Variants in MAGI1 observed in about 807,000 individuals in gnomAD.
The protein encoded by MAGI1 is membrane-associated guanylate kinase, WW and PDZ domain-containing protein 1.
In MAGI1, 58 loss-of-function variants were observed where a neutral mutation model predicts 139.9. The observed-to-expected ratio is 0.41, with a 90% CI of 0.34 to 0.52. MAGI1 has a LOEUF of 0.52. Ranked by LOEUF, MAGI1 falls within the 20% of genes least tolerant of loss-of-function variation. The pLI, the probability that MAGI1 is intolerant of heterozygous loss-of-function variation, is 0.12. For synonymous variants in MAGI1, 812 were observed against 737.9 expected (o/e 1.10, Z -1.63); for missense variants, 1,874 against 1,901.6 (o/e 0.99, Z 0.27).
intron 12 of MAGI1, chr3:65,402,010 T>G: frequency 3.3e-4 from 151 of 451,818 alleles, no homozygotes; most frequent in Middle Eastern, 1.2e-3. Flanking sequence ...ATGAGCTCAA[T>G]ACCAAAACAA....
intron 1 of MAGI1, among the ~76,000 whole-genome samples, chr3:65,744,091 G>T (rs1194822555): frequency 1.3e-5 from 2 of 152,126 alleles, no homozygotes; most frequent in African/African-American, 4.8e-5. Context: ...TCAGTTTTTA[G>T]GAAAGGCCAA....
chr3:65,642,965 A>G (rs947981244), intron 1 of MAGI1, among the ~76,000 whole-genome samples: 2 of 152,236 alleles, frequency 1.3e-5, no homozygotes, highest in Non-Finnish European at 2.9e-5. Flanking sequence ...GCTAAGCTTT[A>G]GCAGAACAAG....
chr3:65,731,549 G>T (rs1234359653), intron 1 of MAGI1, among the ~76,000 whole-genome samples: 2 of 151,660 alleles, frequency 1.3e-5, no homozygotes, highest in South Asian at 4.2e-4. Flanking sequence ...CAGCTACTGG[G>T]GCGGCTGAGG....
At chr3:66,005,100 T>C (rs1157951355) in intron 1 of MAGI1, among the ~76,000 whole-genome samples, 2 of 151,988 alleles carry the variant, frequency 1.3e-5, no homozygotes, top group East Asian at 3.9e-4. Context: ...GAATTTGCCA[T>C]GTTAAATGGC....
At chr3:65,811,935 T>C (rs2041260365) in intron 1 of MAGI1, among the ~76,000 whole-genome samples, 1 of 137,454 alleles carries the variant, frequency 7.3e-6, no homozygotes, top group South Asian at 2.1e-4. Context: ...TACGTGTGTG[T>C]GTGTGTGTGT....
At chr3:65,929,344 T>C (rs13317836) in intron 1 of MAGI1, among the ~76,000 whole-genome samples, 1,998 of 144,834 alleles carry the variant, frequency 0.014, 40 homozygotes, top group African/African-American at 0.048. Flanking sequence ...ATATCAAGGA[T>C]GATTTTTTTT....
chr3:65,510,138 C>T (rs1419852900), intron 2 of MAGI1, among the ~76,000 whole-genome samples: 1 of 152,138 alleles, frequency 6.6e-6, no homozygotes. Flanking sequence ...GACACCCACA[C>T]CAAAAACCCA....
intron 1 of MAGI1, among the ~76,000 whole-genome samples, chr3:65,657,753 G>A (rs1288967136): frequency 6.6e-6 from 1 of 152,054 alleles, no homozygotes. Context: ...CCTAAGTTTG[G>A]AGCCAAGTCC....
chr3:65,871,131 TCTCA>T (rs2059924879), intron 1 of MAGI1, among the ~76,000 whole-genome samples: 1 of 151,986 alleles, frequency 6.6e-6, no homozygotes, highest in Non-Finnish European at 1.5e-5. Flanking sequence ...AGAGATGGTG[TCTCA>T]CTATGTTGCC....
At chr3:65,785,306 G>C (rs534500398) in intron 1 of MAGI1, among the ~76,000 whole-genome samples, 1 of 152,094 alleles carries the variant, frequency 6.6e-6, no homozygotes, top group Non-Finnish European at 1.5e-5. Context: ...AACATACAGG[G>C]GTCCTATTTA....
rs529453030 is a variant in MAGI1, at chr3:65,728,982, C to T, written c.314-106894G>A. ...CTTGAGATTAAATAGGAATGACATG[C>T]AGTAAAACCTGACTAATTTTGATCT... On this transcript the variant is annotated intron_variant, in intron 1 of 22. Transcript: ENST00000402939. 8.5e-5 allele frequency among the ~76,000 whole-genome samples: 13 copies of T among 152,152 alleles called. No individual in the cohort carries two copies. In the South Asian group the frequency reaches 1.9e-3, roughly 22 times the overall value.
At chr3:65,657,879 C>G (rs1040794241) in intron 1 of MAGI1, among the ~76,000 whole-genome samples, 4 of 152,128 alleles carry the variant, frequency 2.6e-5, no homozygotes, top group African/African-American at 9.7e-5. Flanking sequence ...AGGTCACTTA[C>G]ATTATAGGAC....
At chr3:65,901,881 A>G (rs1397892871) in intron 1 of MAGI1, among the ~76,000 whole-genome samples, 1 of 152,218 alleles carries the variant, frequency 6.6e-6, no homozygotes, top group African/African-American at 2.4e-5. Context: ...GTACATCCTT[A>G]TTTTGCTGCA....
At chr3:65,392,169 A>G (rs2107001820) in intron 13 of MAGI1, among the ~76,000 whole-genome samples, 1 of 152,334 alleles carries the variant, frequency 6.6e-6, no homozygotes, top group East Asian at 1.9e-4. Flanking sequence ...TGAATAACCA[A>G]GTCCTTGTTC....
chr3:65,397,788 T>G (rs985324360), intron 13 of MAGI1, among the ~76,000 whole-genome samples: 1 of 152,146 alleles, frequency 6.6e-6, no homozygotes, highest in East Asian at 1.9e-4. Context: ...CATGTTATAT[T>G]TCTGCTTTAT....
At chr3:65,983,863 T>C (rs1459803504) in intron 1 of MAGI1, among the ~76,000 whole-genome samples, 1 of 152,234 alleles carries the variant, frequency 6.6e-6, no homozygotes, top group Non-Finnish European at 1.5e-5. Context: ...AAGGTGATTA[T>C]AATAGTACAG....
At chr3:65,821,067 G>C (rs2041924281) in intron 1 of MAGI1, among the ~76,000 whole-genome samples, 1 of 151,906 alleles carries the variant, frequency 6.6e-6, no homozygotes, top group Non-Finnish European at 1.5e-5. Context: ...GGTAGTTAAA[G>C]TAAATCTAGG....
intron 1 of MAGI1, among the ~76,000 whole-genome samples, chr3:65,904,883 C>T (rs1037604262): frequency 3.3e-5 from 5 of 152,104 alleles, no homozygotes; most frequent in African/African-American, 1.2e-4. Flanking sequence ...TTGAGGCTGC[C>T]CATCCCCTCT....
chr3:65,597,941 C>G, intron 2 of MAGI1: 1 of 452,790 alleles, frequency 2.2e-6, no homozygotes, highest in Non-Finnish European at 4.4e-6. Flanking sequence ...GGGGGTGGGA[C>G]CGAACCCCTT....
Sources: gnomAD v4.1 joint callset for allele counts (sites outside exome capture counted in the v4.1 genomes callset) on GRCh38, gnomAD v4.1.1 for gene constraint, MANE v1.5 for transcripts, NCBI Gene and HGNC (gene_info 2026-07-23, HGNC 2026-07-21) for gene names.